Variants in FAHD2B observed in about 807,000 individuals in gnomAD.
FAHD2B encodes the protein oxaloacetate tautomerase FAHD2B, mitochondrial.
A neutral mutation model predicts 33.7 loss-of-function variants in FAHD2B; 26 were observed. That is an observed-to-expected ratio of 0.77 (90% CI 0.57 to 1.07). The LOEUF is 1.07. Ranked by LOEUF, FAHD2B falls within the 50% of genes least tolerant of loss-of-function variation. The probability of loss-of-function intolerance (pLI) is 0.00; values close to 1 mark genes in which losing one functional copy is unlikely to be tolerated. For missense variants in FAHD2B, 272 were observed against 388.1 expected (o/e 0.70, Z 2.51); for synonymous variants, 108 against 150.9 (o/e 0.72, Z 2.08).
chr2:97,094,455 G>A lies in FAHD2B; in HGVS notation c.-133+246C>T, dbSNP rs572831312. Among the ~76,000 whole-genome samples the A allele has an allele frequency of 9.3e-4, 110 of 118,878 alleles. 1 individual carries two copies. Among genetic ancestry groups the A allele is most frequent in the African/African-American group, 3.4e-3 (103 of 30,040 alleles). The allele number at this position is 118,878 out of a possible 152,430, so 78.0% of individuals were successfully genotyped here. ...AGTCCATAAGCAAAGGGGCGGCGACGTGAGGTGGAAACAGTAGCCTGAAAC... is the reference window on the plus strand; with the variant it reads ...AGTCCATAAGCAAAGGGGCGGCGACATGAGGTGGAAACAGTAGCCTGAAAC... On this transcript the variant is annotated intron_variant, in intron 1 of 8. Coordinates refer to ENST00000414820, the MANE Select transcript of FAHD2B (RefSeq NM_001320848.2).
chr2:97,084,603 A>G (rs1181857284), intron 6 of FAHD2B, among the ~76,000 whole-genome samples: 1 of 152,034 alleles, frequency 6.6e-6, no homozygotes, highest in African/African-American at 2.4e-5. Context: ...ATACCTGTAG[A>G]TACAAAAATG....
At chr2:97,085,458 G>C (rs1238551866) in intron 6 of FAHD2B, among the ~76,000 whole-genome samples, 4 of 151,792 alleles carry the variant, frequency 2.6e-5, no homozygotes, top group African/African-American at 9.7e-5. Context: ...AGTGTTCTTT[G>C]TAATTTACTT....
At chr2:97,093,177 G>A in intron 1 of FAHD2B, among the ~76,000 whole-genome samples, 1 of 152,008 alleles carries the variant, frequency 6.6e-6, no homozygotes, top group Non-Finnish European at 1.5e-5. Context: ...GCCCAAAAAT[G>A]TTGAGGCAGC....
At chr2:97,079,160 T>A (rs1272873353), downstream of FAHD2B, among the ~76,000 whole-genome samples, 1 of 152,160 alleles carries the variant, frequency 6.6e-6, no homozygotes, top group Admixed American at 6.6e-5. Context: ...ATTTTCTTTA[T>A]CCAGTCTATC....
intron 4 of FAHD2B, chr2:97,089,655 A>ATAT (rs2032212010): frequency 6.2e-6 from 1 of 160,760 alleles, no homozygotes; most frequent in Non-Finnish European, 1.4e-5. Flanking sequence ...GGTACTCAGG[A>ATAT]ATATAAACTA....
chr2:97,085,267 C>T (rs900140073), intron 6 of FAHD2B, among the ~76,000 whole-genome samples: 2 of 150,408 alleles, frequency 1.3e-5, no homozygotes, highest in Admixed American at 6.7e-5. Context: ...TCCAACCTGG[C>T]GCTGTCCCCT....
At chr2:97,090,493 G>A (rs1327537403) in intron 3 of FAHD2B, among the ~76,000 whole-genome samples, 168 bp from the exon 4 acceptor site, 3 of 152,104 alleles carry the variant, frequency 2.0e-5, no homozygotes, top group Admixed American at 6.6e-5. Context: ...GTCCTTTGCT[G>A]TCAGAGCAGG....
rs541754774 is a variant in FAHD2B, at chr2:97,090,379, C to T, written c.246-54G>A. 42 of 1,472,272 alleles carry T rather than the reference C, an allele frequency of 2.9e-5. 1 individual carries two copies. The East Asian group carries it at 6.4e-4, about 23-fold the overall frequency. 91.2% of individuals were successfully genotyped at this position (1,472,272 alleles called of 1,614,324 possible). ...CTGGCTGGGAACAGGTGGGCAATCC[C>T]GGGCAGGCTGGGCAGATCCTGCAGC... On this transcript the variant is annotated intron_variant, in intron 3 of 8. Coordinates refer to ENST00000414820, the MANE Select transcript of FAHD2B (RefSeq NM_001320848.2).
chr2:97,088,281 C>T (rs2032118971), intron 4 of FAHD2B, among the ~76,000 whole-genome samples: 1 of 152,094 alleles, frequency 6.6e-6, no homozygotes, highest in African/African-American at 2.4e-5. Flanking sequence ...TATGGTTTAG[C>T]TCTGTGTCCC....
In FAHD2B at chr2:97,090,299, A is replaced by T. The variant is rs377327061; in HGVS notation, c.272T>A (p.Leu91Gln). 6.2e-7 allele frequency: 1 copy of T among 1,613,266 alleles called. No individual in the cohort carries two copies. The highest frequency in any genetic ancestry group is 8.5e-7 in the Non-Finnish European group (1 of 1,179,740). The change falls in exon 4 of 9, where the codon CTA becomes CAA. Residue 91 changes from leucine to glutamine, a missense_variant. Physicochemically the swap from Leu to Gln is moderately radical, Grantham distance 113 (BLOSUM62 -2). Transcript: ENST00000414820. ...RRALAAQLPVLPWSEVTFLAP... is the reference protein window; with the variant it reads ...RRALAAQLPVQPWSEVTFLAP... ...CAGGAAGGTTACCTCCGACCATGGT[A>T]GGACTGGCAACTGGGCAGCCAAGGC...
Position 97,091,579 on chromosome 2 carries a change from C to A in FAHD2B, c.128G>T (p.Gly43Val). ...RAPHLVGPHLGLETGNGGGVI... is the reference protein window; with the variant it reads ...RAPHLVGPHLVLETGNGGGVI... ...CCCTCCACCATTCCCTGTCTCCAGG[C>A]CCAAGTGAGGCCCCACCAGGTGGGG... Residue 43 changes from glycine to valine, a missense_variant, in exon 3 of 9, where the codon GGC becomes GTC. Coordinates refer to ENST00000414820, the MANE Select transcript of FAHD2B (RefSeq NM_001320848.2). 4 of 1,613,882 alleles carry A rather than the reference C, an allele frequency of 2.5e-6. 1 individual carries two copies. The South Asian group carries it at 3.3e-5, about 13-fold the overall frequency.
intron 1 of FAHD2B, among the ~76,000 whole-genome samples, chr2:97,092,561 A>G (rs563317296): frequency 6.6e-6 from 1 of 152,292 alleles, no homozygotes; most frequent in South Asian, 2.1e-4. Context: ...ACTTTCTGCT[A>G]AATGAACAAA....
chr2:97,093,976 T>G (rs1042052518), intron 1 of FAHD2B, among the ~76,000 whole-genome samples: 2 of 152,072 alleles, frequency 1.3e-5, no homozygotes, highest in Non-Finnish European at 2.9e-5. Flanking sequence ...CAAGAAAATC[T>G]AGCTTCAGCC....
rs1236874449 is a variant in FAHD2B, at chr2:97,083,599, C to T, written c.*156G>A. ...AAGCCAAGCTGCTGCTTTGACCCGA[C>T]GCATTTATTGAAGAGAGCTCTGTCC... On this transcript the variant is annotated 3_prime_UTR_variant, in exon 9 of 9. Coordinates refer to ENST00000414820, the MANE Select transcript of FAHD2B (RefSeq NM_001320848.2). 5.1e-5 allele frequency: 64 copies of T among 1,259,848 alleles called. No individual in the cohort carries two copies. Among genetic ancestry groups the T allele is most frequent in the Non-Finnish European group, 5.9e-5 (54 of 911,204 alleles). The allele number at this position is 1,259,848 out of a possible 1,614,324, so 78.0% of individuals were successfully genotyped here.
chr2:97,089,009 A>G (rs917869809), intron 4 of FAHD2B, among the ~76,000 whole-genome samples: 15 of 152,126 alleles, frequency 9.9e-5, no homozygotes, highest in Non-Finnish European at 2.2e-4. Context: ...GTATATGAGC[A>G]TTCACTGTAT....
At chr2:97,086,308 C>A in intron 4 of FAHD2B, 110 bp from the exon 5 acceptor site, 1 of 1,462,556 alleles carries the variant, frequency 6.8e-7, no homozygotes, top group Non-Finnish European at 9.3e-7. Flanking sequence ...TGCCATCCCA[C>A]GTTTGCCATC....
At chr2:97,092,320 C>A (rs1361990173) in intron 1 of FAHD2B, among the ~76,000 whole-genome samples, 1 of 152,148 alleles carries the variant, frequency 6.6e-6, no homozygotes, top group Non-Finnish European at 1.5e-5. Flanking sequence ...GCTAGAACCT[C>A]TACCAGGCTG....
chr2:97,091,786 G>T, intron 2 of FAHD2B, 74 bp from the exon 3 acceptor site: 3 of 1,541,322 alleles, frequency 1.9e-6, no homozygotes, highest in Non-Finnish European at 2.6e-6. Context: ...TATTCCTAGG[G>T]CTATAGCCCA....
chr2:97,081,089 C>T, downstream of FAHD2B: 1 of 1,508,620 alleles, frequency 6.6e-7, no homozygotes, highest in Non-Finnish European at 8.9e-7. Flanking sequence ...ATAATGGACC[C>T]TCCGCCCCCA....
Sources: allele counts gnomAD v4.1 joint callset (sites outside exome capture counted in the v4.1 genomes callset), GRCh38; gene constraint gnomAD v4.1.1; transcripts MANE v1.5; gene names NCBI Gene and HGNC (gene_info 2026-07-23, HGNC 2026-07-21).